Variants in MITF observed in about 807,000 individuals in gnomAD.
MITF encodes the protein microphthalmia-associated transcription factor.
A neutral mutation model predicts 60.5 loss-of-function variants in MITF; 17 were observed. The observed-to-expected ratio is 0.28, with a 90% confidence interval of 0.19 to 0.42. The LOEUF is 0.42. Among genes scored for constraint, MITF ranks in the 10% least tolerant of loss-of-function variants. The probability of loss-of-function intolerance (pLI) is 1.00; values close to 1 mark genes in which losing one functional copy is unlikely to be tolerated. For missense variants in MITF, 622 were observed against 683.5 expected (o/e 0.91, Z 1.00); for synonymous variants, 260 against 248.5 (o/e 1.05, Z -0.43).
At chr3:69,855,671 A>G (rs1236193121) in intron 1 of MITF, among the ~76,000 whole-genome samples, 1 of 152,146 alleles carries the variant, frequency 6.6e-6, no homozygotes, top group Non-Finnish European at 1.5e-5. Context: ...GAAAAATTGT[A>G]CTAGGAATCT....
At chr3:69,963,050 C>A (rs2066590134) in intron 9 of MITF, among the ~76,000 whole-genome samples, 1 of 152,120 alleles carries the variant, frequency 6.6e-6, no homozygotes, top group Admixed American at 6.5e-5. Context: ...TACAAGGACA[C>A]CAGTCCTATT....
chr3:69,959,855 G>C lies in MITF; in HGVS notation c.1179+435G>C, dbSNP rs1378038067. On this transcript the variant is annotated intron_variant, in intron 9 of 9. Transcript: ENST00000352241. ...CTAAAGCACTGTCTAGAGTTCCTGA[G>C]GGCAAGAAGGCCGTGATGTGCTTAC... is the stretch of plus-strand genomic sequence containing the variant. 2.0e-5 allele frequency among the ~76,000 whole-genome samples: 3 copies of C among 152,190 alleles called. No homozygotes were observed. The East Asian group carries it at 5.8e-4, about 29-fold the overall frequency.
At chr3:69,953,852 G>A (rs1164240648) in intron 7 of MITF, among the ~76,000 whole-genome samples, 1 of 151,948 alleles carries the variant, frequency 6.6e-6, no homozygotes, top group Non-Finnish European at 1.5e-5. Flanking sequence ...AGATGAGCAA[G>A]GGTCAGAATA....
At chr3:69,883,572 C>T (rs538054080) in intron 2 of MITF, among the ~76,000 whole-genome samples, 1 of 152,140 alleles carries the variant, frequency 6.6e-6, no homozygotes, top group African/African-American at 2.4e-5. Flanking sequence ...TGTGGAGTTA[C>T]AGGTGGATTG....
chr3:69,910,393 A>G (rs1202280135), intron 2 of MITF, among the ~76,000 whole-genome samples: 1 of 152,194 alleles, frequency 6.6e-6, no homozygotes, highest in African/African-American at 2.4e-5. Flanking sequence ...TGGAGCCCCC[A>G]CATAGAGTCC....
At chr3:69,912,339 A>G (rs1415106133) in intron 2 of MITF, among the ~76,000 whole-genome samples, 1 of 152,190 alleles carries the variant, frequency 6.6e-6, no homozygotes, top group African/African-American at 2.4e-5. Flanking sequence ...AAACATGGTA[A>G]TATTTTTGGT....
chr3:69,893,242 C>A (rs372053166), intron 2 of MITF, among the ~76,000 whole-genome samples: 3 of 152,138 alleles, frequency 2.0e-5, no homozygotes, highest in South Asian at 4.1e-4. Context: ...GGATCGTGAA[C>A]CTTGTTTCCT....
intron 1 of MITF, among the ~76,000 whole-genome samples, chr3:69,819,227 T>C (rs1028268070): frequency 6.6e-6 from 1 of 152,188 alleles, no homozygotes; most frequent in Non-Finnish European, 1.5e-5. Context: ...ACCTTCTTCC[T>C]CAAAGGCCCA....
intron 2 of MITF, among the ~76,000 whole-genome samples, chr3:69,888,795 CT>C (rs1327550056): frequency 1.3e-5 from 2 of 152,016 alleles, no homozygotes; most frequent in African/African-American, 4.8e-5. Context: ...TATGGCCCCC[CT>C]ATTAACTTTG....
At chr3:69,785,860 T>C (rs1443227631) in intron 1 of MITF, among the ~76,000 whole-genome samples, 2 of 151,886 alleles carry the variant, frequency 1.3e-5, no homozygotes, top group African/African-American at 2.4e-5. Flanking sequence ...GAAAAAGAGA[T>C]GGACAGGTAG....
chr3:69,949,067 A>T lies in MITF; in HGVS notation c.779A>T (p.Asn260Ile). ...QMANTLPVSG[N>I]LIDLYGNQGL... is the part of the protein sequence containing the mutation. ...TCTCTCTAGTTGCCTGTCTCGGGAAACTTGATTGATCTTTATGGAAACCAA... is the reference window on the plus strand; with the variant it reads ...TCTCTCTAGTTGCCTGTCTCGGGAATCTTGATTGATCTTTATGGAAACCAA... The change falls in exon 6 of 10, where the codon AAC becomes ATC. Residue 260 changes from asparagine to isoleucine, a missense_variant. Around this residue, in one of 5 missense-constraint regions of MITF, gnomAD observed 215 missense variants for 224.8 expected, o/e 0.96. Coordinates refer to ENST00000352241, the MANE Select transcript of MITF (RefSeq NM_001354604.2). 1 of 1,613,530 alleles carries T rather than the reference A, an allele frequency of 6.2e-7. No homozygotes were observed. The highest frequency in any genetic ancestry group is 8.5e-7 in the Non-Finnish European group (1 of 1,179,662).
chr3:69,964,007 A>T (rs188854825), intron 9 of MITF, among the ~76,000 whole-genome samples: 79 of 80,704 alleles, frequency 9.8e-4, no homozygotes, highest in Non-Finnish European at 1.6e-3. Flanking sequence ...ATGGTCTTTC[A>T]CTCTTCTAGC....
chr3:69,885,203 G>A (rs932957098), intron 2 of MITF, among the ~76,000 whole-genome samples: 8 of 152,076 alleles, frequency 5.3e-5, no homozygotes, highest in Admixed American at 3.9e-4. Flanking sequence ...TCTTTAAGTA[G>A]GAGAATCTTT....
intron 1 of MITF, among the ~76,000 whole-genome samples, chr3:69,849,990 G>A (rs1461839593): frequency 1.3e-5 from 2 of 152,176 alleles, no homozygotes; most frequent in East Asian, 3.8e-4. Flanking sequence ...CCTGTGGTCT[G>A]AGCAGTCAAT....
intron 1 of MITF, among the ~76,000 whole-genome samples, chr3:69,847,107 A>T (rs1399540689): frequency 1.3e-5 from 2 of 152,256 alleles, no homozygotes; most frequent in Admixed American, 6.5e-5. Context: ...TCAGCTAAAT[A>T]TTGGTCACCC....
chr3:69,942,107 T>C (rs1054047540), intron 5 of MITF, among the ~76,000 whole-genome samples: 1 of 152,160 alleles, frequency 6.6e-6, no homozygotes, highest in Non-Finnish European at 1.5e-5. Context: ...CTGTTTCCTC[T>C]GAGAGCAATG....
At chr3:69,944,604 C>T (rs1157793988) in intron 5 of MITF, among the ~76,000 whole-genome samples, 1 of 152,062 alleles carries the variant, frequency 6.6e-6, no homozygotes, top group Admixed American at 6.6e-5. Flanking sequence ...GACAATGTAA[C>T]TTCAACATTA....
intron 1 of MITF, among the ~76,000 whole-genome samples, chr3:69,859,820 C>CT (rs1412951911): frequency 6.6e-6 from 1 of 151,870 alleles, no homozygotes; most frequent in Non-Finnish European, 1.5e-5. Flanking sequence ...CCACATTTTT[C>CT]TTTTTAAATG....
chr3:69,804,701 T>C (rs1575739760), intron 1 of MITF, among the ~76,000 whole-genome samples: 1 of 152,320 alleles, frequency 6.6e-6, no homozygotes, highest in East Asian at 1.9e-4. Flanking sequence ...CAATTTCTTT[T>C]TGTTCTGCTT....
Sources: gnomAD v4.1 joint callset for allele counts (sites outside exome capture counted in the v4.1 genomes callset) on GRCh38, gnomAD v4.1.1 for gene constraint, gnomAD v4.1.1 regional missense constraint, MANE v1.5 for transcripts, NCBI Gene and HGNC (gene_info 2026-07-23, HGNC 2026-07-21) for gene names.